The following SLC25A26 variants were observed in gnomAD, a reference collection of about 807,000 sequenced individuals.
SLC25A26 encodes the protein mitochondrial S-adenosylmethionine carrier protein.
Under a neutral mutation model 37.8 loss-of-function variants are expected in SLC25A26, and 36 were observed. The observed-to-expected ratio is 0.95, with a 90% confidence interval of 0.73 to 1.26. The LOEUF is 1.26. Among genes scored for constraint, SLC25A26 ranks in the 50% most tolerant of loss-of-function variants. The pLI, the probability that SLC25A26 is intolerant of heterozygous loss-of-function variation, is 0.00. For missense variants in SLC25A26, 390 were observed against 331.1 expected, an observed-to-expected ratio of 1.18 and a Z score of -1.38; for synonymous variants, 129 against 122.5, an observed-to-expected ratio of 1.05 and a Z score of -0.35.
intron 6 of SLC25A26, among the ~76,000 whole-genome samples, chr3:66,350,854 A>C (rs913702543): frequency 6.6e-6 from 1 of 152,092 alleles, no homozygotes; most frequent in Non-Finnish European, 1.5e-5. Flanking sequence ...CAAGGATCCA[A>C]AAGTGATGCA....
At chr3:66,263,256 A>G (rs950293198) in intron 4 of SLC25A26, 76 bp from the exon 5 acceptor site, 2 of 976,548 alleles carry the variant, frequency 2.0e-6, no homozygotes, top group Non-Finnish European at 1.6e-6. Flanking sequence ...AAGAGCAGGT[A>G]GATCTGCTGT....
upstream of SLC25A26, chr3:66,220,949 T>C (rs1017135157): frequency 8.3e-5 from 71 of 854,236 alleles, no homozygotes; most frequent in Middle Eastern, 1.3e-3. Context: ...TGTCTCGCGT[T>C]GCACGTGCAG....
intron 5 of SLC25A26, among the ~76,000 whole-genome samples, chr3:66,318,379 T>C (rs1302749884): frequency 6.6e-6 from 1 of 152,044 alleles, no homozygotes; most frequent in African/African-American, 2.4e-5. Flanking sequence ...CAGGGAGGGG[T>C]AGCACAATCC....
intron 5 of SLC25A26, among the ~76,000 whole-genome samples, chr3:66,308,529 C>T (rs563543078): frequency 8.5e-5 from 13 of 152,312 alleles, no homozygotes; most frequent in Admixed American, 3.3e-4. Context: ...CCATAACTTC[C>T]AGTACTATGT....
chr3:66,151,026 G>A (rs1156679272), intron 1 of SLC25A26, among the ~76,000 whole-genome samples: 2 of 151,958 alleles, frequency 1.3e-5, no homozygotes, highest in East Asian at 1.9e-4. Flanking sequence ...CCGGGAAGCA[G>A]GTACTGTCCT....
chr3:66,168,117 C>G (rs1297066248), intron 1 of SLC25A26, among the ~76,000 whole-genome samples: 2 of 101,200 alleles, frequency 2.0e-5, no homozygotes, highest in African/African-American at 8.8e-5. Flanking sequence ...CGTGCCATCG[C>G]ACTCCAGACT....
intron 5 of SLC25A26, among the ~76,000 whole-genome samples, chr3:66,263,927 G>C (rs1008108611): frequency 6.6e-6 from 1 of 151,986 alleles, no homozygotes; most frequent in Non-Finnish European, 1.5e-5. Context: ...CAAAGTGCTG[G>C]GATTACAGGC....
At chr3:66,258,886 A>C (rs1026984336) in intron 3 of SLC25A26, among the ~76,000 whole-genome samples, 2 of 146,304 alleles carry the variant, frequency 1.4e-5, no homozygotes, top group Non-Finnish European at 3.0e-5. Context: ...TTTTACATTA[A>C]TTTTTTATAC....
chr3:66,243,636 T>A (rs1369353623), intron 3 of SLC25A26, among the ~76,000 whole-genome samples: 1 of 152,236 alleles, frequency 6.6e-6, no homozygotes, highest in South Asian at 2.1e-4. Flanking sequence ...TCGGTACAAC[T>A]GAGCTGGAAC....
intron 6 of SLC25A26, among the ~76,000 whole-genome samples, chr3:66,357,684 T>G (rs531395788): frequency 6.6e-6 from 1 of 151,972 alleles, no homozygotes; most frequent in African/African-American, 2.4e-5. Flanking sequence ...TGAGAAATTA[T>G]GGAAATTTAG....
rs972992278 is a variant in SLC25A26 at position 66,342,051 on chromosome 3, G to A, written c.454-4313G>A. The stretch of plus-strand genomic sequence containing the variant: ...TATTTAAAAGAATGGTTTTGTTGTC[G>A]GTGGGACAGTAGAATGGAAAACTCT... On this transcript the variant is annotated intron_variant, in intron 5 of 9. Coordinates refer to ENST00000354883, the MANE Select transcript of SLC25A26 (RefSeq NM_001379210.1). Among the ~76,000 whole-genome samples, 46 of 152,074 alleles carry A rather than the reference G, an allele frequency of 3.0e-4. 1 individual carries two copies. The highest frequency in any genetic ancestry group is 1.0e-3 in the African/African-American group (43 of 41,498).
chr3:66,218,108 CT>C (rs1262262730), upstream of SLC25A26, among the ~76,000 whole-genome samples: 74 of 150,158 alleles, frequency 4.9e-4, no homozygotes, highest in African/African-American at 1.7e-3. Flanking sequence ...TACATGTGGT[CT>C]TTTTTTTTTC....
intron 1 of SLC25A26, among the ~76,000 whole-genome samples, chr3:66,225,567 A>C (rs539666248): frequency 6.6e-6 from 1 of 152,164 alleles, no homozygotes; most frequent in East Asian, 1.9e-4. Context: ...CCCTGAAGAC[A>C]TTTTCCCCAC....
intron 6 of SLC25A26, among the ~76,000 whole-genome samples, chr3:66,360,841 A>G (rs574014366): frequency 3.0e-4 from 45 of 152,326 alleles, no homozygotes; most frequent in Admixed American, 7.2e-4. Flanking sequence ...AAAATAATCC[A>G]TGGGTTTGGT....
At chr3:66,138,805 A>G (rs1164919722) in intron 1 of SLC25A26, among the ~76,000 whole-genome samples, 1 of 152,146 alleles carries the variant, frequency 6.6e-6, no homozygotes, top group Non-Finnish European at 1.5e-5. Context: ...GAAGCCACCC[A>G]TTAATCTTGT....
At chr3:66,372,405 G>A (rs1201802790) in intron 9 of SLC25A26, among the ~76,000 whole-genome samples, 1 of 152,192 alleles carries the variant, frequency 6.6e-6, no homozygotes, top group Non-Finnish European at 1.5e-5. Flanking sequence ...GTTATGTTGA[G>A]TAGATGATTG....
intron 5 of SLC25A26, among the ~76,000 whole-genome samples, chr3:66,291,580 G>T (rs1032465124): frequency 7.2e-5 from 11 of 152,166 alleles, no homozygotes; most frequent in African/African-American, 2.7e-4. Context: ...TCATTCAGGA[G>T]CAGGTTGTTC....
At chr3:66,330,007 C>G (rs1457398548) in intron 5 of SLC25A26, among the ~76,000 whole-genome samples, 1 of 152,138 alleles carries the variant, frequency 6.6e-6, no homozygotes, top group Non-Finnish European at 1.5e-5. Context: ...GTGCCAGATG[C>G]TGTTCTAGGG....
chr3:66,274,381 A>G (rs554347619), intron 5 of SLC25A26, among the ~76,000 whole-genome samples: 25 of 151,928 alleles, frequency 1.6e-4, no homozygotes, highest in Admixed American at 1.4e-3. Context: ...AATGGCAACA[A>G]AAGCCAAAAT....
Sources: gnomAD v4.1 joint callset for allele counts (sites outside exome capture counted in the v4.1 genomes callset) on GRCh38, gnomAD v4.1.1 for gene constraint, MANE v1.5 for transcripts, NCBI Gene and HGNC (gene_info 2026-07-23, HGNC 2026-07-21) for gene names.